Variants in SAMD5 observed in about 807,000 individuals in gnomAD.
SAMD5 encodes sterile alpha motif domain containing 5, also known as sterile alpha motif domain-containing protein 5.
SAMD5 carries 13 observed loss-of-function variants against 11.3 expected under a neutral mutation model. That is an observed-to-expected ratio of 1.15 (90% CI 0.75 to 1.83). SAMD5 has a LOEUF of 1.83. Among genes scored for constraint, SAMD5 ranks in the 40% most tolerant of loss-of-function variants. The pLI is 0.00. For missense variants in SAMD5, 255 were observed against 239.1 expected (o/e 1.07, Z -0.44); for synonymous variants, 129 against 111.3 (o/e 1.16, Z -1.00).
intron 1 of SAMD5, among the ~76,000 whole-genome samples, chr6:147,520,748 CAAAT>C (rs1299757311): frequency 6.6e-6 from 1 of 151,954 alleles, no homozygotes; most frequent in Non-Finnish European, 1.5e-5. Flanking sequence ...ATATAATTGA[CAAAT>C]AAAAAGTGTA....
At chr6:147,600,512 T>C in intron 1 of SAMD5, among the ~76,000 whole-genome samples, 1 of 152,192 alleles carries the variant, frequency 6.6e-6, no homozygotes, top group East Asian at 1.9e-4. Context: ...CCTCCCACCC[T>C]CCTGTCTAGT....
At chr6:147,951,587 G>A in the SAMD5 span, among the ~76,000 whole-genome samples, 53 of 152,276 alleles carry the variant, frequency 3.5e-4, 1 homozygote, top group Middle Eastern at 0.014. Flanking sequence ...ACCGCACTGC[G>A]TGTCCTTCAA....
intron 1 of SAMD5, among the ~76,000 whole-genome samples, chr6:147,716,915 C>T (rs1029421543): frequency 6.6e-6 from 1 of 152,204 alleles, no homozygotes; most frequent in African/African-American, 2.4e-5. Context: ...GATGTCTCTT[C>T]GTACAGCTGA....
chr6:147,584,127 A>G (rs1382320305), intron 1 of SAMD5, among the ~76,000 whole-genome samples: 1 of 152,080 alleles, frequency 6.6e-6, no homozygotes, highest in African/African-American at 2.4e-5. Context: ...TGGTGTGACT[A>G]TAGGCATTTT....
rs776658874 is a variant in SAMD5, at chr6:147,509,127, G to C, written c.199G>C (p.Ala67Pro). The C allele has an allele frequency of 6.4e-7, 1 of 1,562,520 alleles. No individual in the cohort carries two copies. Among genetic ancestry groups the C allele is most frequent in the Non-Finnish European group, 8.6e-7 (1 of 1,156,850 alleles). ...CGTGCGCCGGCTGCGGGAGCAGGAC[G>C]CCAACGCCGCCGGCCTCTACTTCAC... is the stretch of plus-strand genomic sequence containing the variant. Reference protein sequence around the residue: ...EAVRRLREQDANAAGLYFTLE... With the variant: ...EAVRRLREQDPNAAGLYFTLE... The change falls in exon 1 of 2, where the codon GCC (alanine) becomes CCC (proline). Residue 67 changes from alanine to proline, a missense_variant. Coordinates refer to ENST00000367474, the MANE Select transcript of SAMD5 (RefSeq NM_001030060.3).
chr6:147,764,054 G>T, the SAMD5 span, among the ~76,000 whole-genome samples: 2 of 152,178 alleles, frequency 1.3e-5, no homozygotes, highest in African/African-American at 4.8e-5. Context: ...AAAAAGAAAA[G>T]CCCTTAAGTC....
intron 1 of SAMD5, among the ~76,000 whole-genome samples, chr6:147,551,341 A>G (rs1425116825): frequency 6.6e-6 from 1 of 152,212 alleles, no homozygotes; most frequent in Non-Finnish European, 1.5e-5. Context: ...CAAGAGGTTA[A>G]GGAAAATGCT....
At chr6:147,661,347 T>C (rs1207461703) in intron 1 of SAMD5, among the ~76,000 whole-genome samples, 2 of 152,196 alleles carry the variant, frequency 1.3e-5, no homozygotes, top group Non-Finnish European at 2.9e-5. Context: ...ACAGATCTGC[T>C]ATCATTGCAG....
At chr6:147,625,718 T>C (rs4895716) in intron 1 of SAMD5, among the ~76,000 whole-genome samples, 107,572 of 151,322 alleles carry the variant, frequency 0.71, 38,826 homozygotes, top group African/African-American at 0.84. Flanking sequence ...AGAAAACACA[T>C]ACACCACAAA....
chr6:147,827,966 A>G, the SAMD5 span, among the ~76,000 whole-genome samples: 2 of 142,794 alleles, frequency 1.4e-5, no homozygotes, highest in Admixed American at 1.4e-4. Flanking sequence ...ATTTTTCTGT[A>G]TTTTTTTTTT....
chr6:147,783,403 G>A, the SAMD5 span, among the ~76,000 whole-genome samples: 158 of 151,134 alleles, frequency 1.0e-3, no homozygotes, highest in Non-Finnish European at 1.6e-3. Context: ...CGGGGGGTCG[G>A]GGCGGGGGGA....
chr6:147,653,505 G>A lies in SAMD5; in HGVS notation c.163-83812G>A, dbSNP rs1347957927. Among the ~76,000 whole-genome samples, 5 of 152,142 alleles carry A rather than the reference G, an allele frequency of 3.3e-5. No individual in the cohort carries two copies. In the East Asian group the frequency reaches 7.7e-4, roughly 23 times the overall value. On this transcript the variant is annotated intron_variant, in intron 1 of 1. Coordinates refer to the SAMD5 transcript ENST00000566741. ...CTTAATTATGCTTTATATATGCTTT[G>A]TGCAGCCAGGCATTGATCTTTCAAG...
At chr6:147,942,386 A>G in the SAMD5 span, among the ~76,000 whole-genome samples, 1 of 152,246 alleles carries the variant, frequency 6.6e-6, no homozygotes, top group Non-Finnish European at 1.5e-5. Context: ...TGCAAAATAA[A>G]AGCAAATATA....
chr6:147,713,800 A>C (rs534998122), intron 1 of SAMD5, among the ~76,000 whole-genome samples: 1 of 152,098 alleles, frequency 6.6e-6, no homozygotes, highest in Admixed American at 6.6e-5. Flanking sequence ...GACAAGGGTA[A>C]GCTGTAGTCA....
chr6:147,583,728 C>T lies in SAMD5; in HGVS notation c.162+74341C>T, dbSNP rs116876173. Among the ~76,000 whole-genome samples, 459 of 151,746 alleles carry T rather than the reference C, an allele frequency of 3.0e-3. 2 individuals are homozygous for T. Among genetic ancestry groups the T allele is most frequent in the South Asian group, 0.018 (86 of 4,794 alleles). ...CCTGTTGCCATTCTGCCCCATAGAA[C>T]GGTAAAATGAACAGCGGGAGAAATT... On this transcript the variant is annotated intron_variant, in intron 1 of 1. Transcript: ENST00000566741.
intron 1 of SAMD5, among the ~76,000 whole-genome samples, chr6:147,539,322 GT>G (rs1317261938): frequency 6.6e-6 from 1 of 152,194 alleles, no homozygotes; most frequent in Non-Finnish European, 1.5e-5. Flanking sequence ...ATGTTTCCTT[GT>G]CTTCCAGGTG....
intron 1 of SAMD5, among the ~76,000 whole-genome samples, chr6:147,633,477 C>T (rs1041658047): frequency 2.0e-5 from 3 of 152,126 alleles, no homozygotes; most frequent in African/African-American, 7.2e-5. Flanking sequence ...CTTCTGCTCA[C>T]ACTAGCACAG....
chr6:147,707,395 G>A (rs1191630617), intron 1 of SAMD5, among the ~76,000 whole-genome samples: 1 of 152,160 alleles, frequency 6.6e-6, no homozygotes, highest in Non-Finnish European at 1.5e-5. Context: ...CAGTGAAGGT[G>A]AACAAAATGT....
the SAMD5 span, among the ~76,000 whole-genome samples, chr6:147,747,116 A>G: frequency 5.6e-4 from 85 of 152,334 alleles, 2 homozygotes; most frequent in Admixed American, 4.5e-3. Flanking sequence ...ATTAGGAAGT[A>G]GTTGAATGGG....
Sources: gnomAD v4.1 joint callset for allele counts (sites outside exome capture counted in the v4.1 genomes callset) on GRCh38, gnomAD v4.1.1 for gene constraint, MANE v1.5 for transcripts, NCBI Gene and HGNC (gene_info 2026-07-23, HGNC 2026-07-21) for gene names.